Variants in CDH12 observed in about 807,000 individuals in gnomAD.
CDH12 encodes cadherin 12, also known as cadherin-12.
CDH12 carries 41 observed loss-of-function variants against 74.1 expected under a neutral mutation model. The ratio of observed to expected loss-of-function variants is 0.55; its 90% CI spans 0.43 to 0.72. The LOEUF is 0.72. CDH12 is among the 30% of genes least tolerant of loss of function. CDH12 has a pLI of 0.00. For synonymous variants in CDH12, 399 were observed against 355.0 expected, an observed-to-expected ratio of 1.12 and a Z score of -1.39; for missense variants, 945 against 977.2, an observed-to-expected ratio of 0.97 and a Z score of 0.44.
intron 3 of CDH12, among the ~76,000 whole-genome samples, chr5:22,323,654 C>G (rs377093860): frequency 1.4e-4 from 21 of 152,242 alleles, no homozygotes; most frequent in African/African-American, 5.1e-4. Flanking sequence ...TCTGTAAGTA[C>G]AAGGCCCAGG....
At chr5:21,842,059 A>ATTC in intron 8 of CDH12, 102 bp downstream of exon 8, 1 of 892,954 alleles carries the variant, frequency 1.1e-6, no homozygotes, top group Non-Finnish European at 1.7e-6. Context: ...CTTCCTAAAG[A>ATTC]CTAAGTGTCT....
intron 1 of CDH12, among the ~76,000 whole-genome samples, chr5:22,766,038 T>A (rs773440583): frequency 6.6e-6 from 1 of 151,854 alleles, no homozygotes; most frequent in Non-Finnish European, 1.5e-5. Flanking sequence ...CTAAATCTCA[T>A]TGGAATTAAG....
At chr5:22,446,677 G>C (rs1744826875) in intron 2 of CDH12, among the ~76,000 whole-genome samples, 1 of 151,844 alleles carries the variant, frequency 6.6e-6, no homozygotes, top group African/African-American at 2.4e-5. Context: ...ACAAATTATT[G>C]GGCTTACTGA....
At chr5:22,073,925 A>T (rs913748536) in intron 5 of CDH12, among the ~76,000 whole-genome samples, 6 of 152,128 alleles carry the variant, frequency 3.9e-5, no homozygotes, top group African/African-American at 7.2e-5. Flanking sequence ...AATGATTTCC[A>T]CATACGCTCT....
intron 1 of CDH12, among the ~76,000 whole-genome samples, chr5:22,802,145 G>A (rs1361877168): frequency 7.1e-6 from 1 of 140,708 alleles, no homozygotes; most frequent in Non-Finnish European, 1.5e-5. Flanking sequence ...TTTTTGAGAC[G>A]GAGTCTCCCT....
At chr5:22,698,096 C>T (rs1700106608) in intron 1 of CDH12, among the ~76,000 whole-genome samples, 1 of 145,682 alleles carries the variant, frequency 6.9e-6, no homozygotes, top group Non-Finnish European at 1.5e-5. Flanking sequence ...AGGTTACATT[C>T]CCTTAATGCC....
At chr5:22,725,201 C>T (rs1744099596) in intron 1 of CDH12, among the ~76,000 whole-genome samples, 1 of 151,766 alleles carries the variant, frequency 6.6e-6, no homozygotes. Flanking sequence ...TACCTGTTCT[C>T]TTTAATTTAG....
At chr5:22,079,742 G>A (rs538219986) in intron 4 of CDH12, among the ~76,000 whole-genome samples, 9 of 152,068 alleles carry the variant, frequency 5.9e-5, no homozygotes, top group East Asian at 1.9e-4. Flanking sequence ...TATAACAAGC[G>A]TTTTTAAATT....
chr5:21,944,043 T>C (rs1469699582), intron 6 of CDH12, among the ~76,000 whole-genome samples: 1 of 152,184 alleles, frequency 6.6e-6, no homozygotes, highest in Admixed American at 6.5e-5. Flanking sequence ...AGTATTTAGA[T>C]CTATTTATTC....
intron 1 of CDH12, among the ~76,000 whole-genome samples, chr5:22,806,860 T>C (rs547351141): frequency 4.6e-5 from 7 of 152,328 alleles, no homozygotes; most frequent in Admixed American, 3.9e-4. Context: ...TATTTGTAGA[T>C]TCTGGATATT....
chr5:22,118,182 G>A (rs1745284226), intron 4 of CDH12, among the ~76,000 whole-genome samples: 1 of 152,202 alleles, frequency 6.6e-6, no homozygotes, highest in South Asian at 2.1e-4. Flanking sequence ...AACAAAATGC[G>A]TGATTTTTAC....
At chr5:22,281,727 C>G (rs71417650) in intron 3 of CDH12, among the ~76,000 whole-genome samples, 2 of 152,026 alleles carry the variant, frequency 1.3e-5, no homozygotes, top group African/African-American at 4.8e-5. Context: ...TCAGAGAGGA[C>G]ACAAACAACT....
At chr5:21,755,927 G>A in intron 13 of CDH12, 85 bp from the exon 14 acceptor site, 1 of 1,272,848 alleles carries the variant, frequency 7.9e-7, no homozygotes, top group Non-Finnish European at 1.1e-6. Flanking sequence ...ATAGTAAGAA[G>A]CTCTTCTTGA....
intron 6 of CDH12, among the ~76,000 whole-genome samples, chr5:21,913,965 T>C (rs1264662024): frequency 6.6e-6 from 1 of 152,156 alleles, no homozygotes; most frequent in African/African-American, 2.4e-5. Flanking sequence ...TTTACAGGTG[T>C]GACACACCAC....
chr5:22,110,083 T>C (rs1744718217), intron 4 of CDH12, among the ~76,000 whole-genome samples: 1 of 152,206 alleles, frequency 6.6e-6, no homozygotes, highest in South Asian at 2.1e-4. Flanking sequence ...TTCCCTAGGC[T>C]TCAATCTCCT....
chr5:21,918,534 G>A (rs1754205340), intron 6 of CDH12, among the ~76,000 whole-genome samples: 1 of 152,056 alleles, frequency 6.6e-6, no homozygotes, highest in African/African-American at 2.4e-5. Flanking sequence ...CATGGCAGAA[G>A]GCGAAGGGGA....
At chr5:22,560,124 G>A (rs1305480186) in intron 1 of CDH12, among the ~76,000 whole-genome samples, 2 of 152,120 alleles carry the variant, frequency 1.3e-5, no homozygotes, top group African/African-American at 4.8e-5. Flanking sequence ...TGATGAAGAT[G>A]TCTTTAAAAT....
At chr5:22,304,444 C>T (rs567744840) in intron 3 of CDH12, among the ~76,000 whole-genome samples, 2 of 152,140 alleles carry the variant, frequency 1.3e-5, no homozygotes, top group Non-Finnish European at 2.9e-5. Flanking sequence ...CAAAGTCATA[C>T]ATGTATATAT....
At chr5:21,949,693 A>C (rs182128015) in intron 6 of CDH12, among the ~76,000 whole-genome samples, 207 of 152,290 alleles carry the variant, frequency 1.4e-3, no homozygotes, top group African/African-American at 4.2e-3. Flanking sequence ...ACAACAACAA[A>C]AAAATTAAAA....
Sources: allele counts gnomAD v4.1 joint callset (sites outside exome capture counted in the v4.1 genomes callset), GRCh38; gene constraint gnomAD v4.1.1; transcripts MANE v1.5; gene names NCBI Gene and HGNC (gene_info 2026-07-23, HGNC 2026-07-21).